Variants in ARHGAP8 observed in about 807,000 individuals in gnomAD.
The protein encoded by ARHGAP8 is Rho GTPase activating protein 8, also known as rho GTPase-activating protein 8.
A neutral mutation model predicts 46.1 loss-of-function variants in ARHGAP8; 62 were observed. That is an observed-to-expected ratio of 1.34 (90% CI 1.10 to 1.66). The LOEUF (loss-of-function observed/expected upper bound fraction) is 1.66, where lower values mean the gene tolerates loss of function less well. ARHGAP8 is among the 40% of genes most tolerant of loss of function. The pLI is 0.00. For synonymous variants in ARHGAP8, 375 were observed against 243.1 expected (o/e 1.54, Z -5.05); for missense variants, 923 against 568.4 (o/e 1.62, Z -6.34).
At chr22:44,790,722 G>T (rs142821297) in intron 2 of ARHGAP8, among the ~76,000 whole-genome samples, 125,449 of 125,808 alleles carry the variant, frequency 1, 62,549 homozygotes, top group Middle Eastern at 1. Context: ...CCCTGGGAAA[G>T]AACCTGGCCG....
intron 1 of ARHGAP8, among the ~76,000 whole-genome samples, chr22:44,754,419 G>A (rs1309011042): frequency 1.3e-5 from 2 of 151,146 alleles, no homozygotes; most frequent in Non-Finnish European, 2.9e-5. Flanking sequence ...GCAATGGCAC[G>A]ATCTCAGCTC....
At chr22:44,830,937 T>C (rs942785338) in intron 7 of ARHGAP8, among the ~76,000 whole-genome samples, 2 of 152,246 alleles carry the variant, frequency 1.3e-5, no homozygotes, top group African/African-American at 4.8e-5. Flanking sequence ...GTTGAGCATC[T>C]TTTCATGTAT....
intron 3 of ARHGAP8, among the ~76,000 whole-genome samples, chr22:44,805,294 G>A (rs561950196): frequency 1.8e-4 from 27 of 152,328 alleles, no homozygotes; most frequent in Non-Finnish European, 3.7e-4. Flanking sequence ...TGGTTGCCGG[G>A]TACCGGGAGT....
intron 3 of ARHGAP8, among the ~76,000 whole-genome samples, chr22:44,803,647 A>C (rs1928719110): frequency 2.2e-5 from 1 of 44,594 alleles, no homozygotes. Flanking sequence ...CCTCCCATGC[A>C]CACACCCCCT....
intron 7 of ARHGAP8, among the ~76,000 whole-genome samples, chr22:44,830,015 C>CCT (rs571105538): frequency 7.2e-4 from 83 of 115,820 alleles, no homozygotes; most frequent in Non-Finnish European, 1.0e-3. Flanking sequence ...TCTTTTTTTT[C>CCT]CTCTCTCTCT....
chr22:44,832,187 T>C (rs1304744632), intron 7 of ARHGAP8, among the ~76,000 whole-genome samples: 2 of 151,770 alleles, frequency 1.3e-5, no homozygotes, highest in African/African-American at 4.8e-5. Flanking sequence ...TTGTTAAATT[T>C]TTTTTTTTTA....
At chr22:44,860,279 A>G (rs1006055326) in intron 11 of ARHGAP8, among the ~76,000 whole-genome samples, 2 of 152,104 alleles carry the variant, frequency 1.3e-5, no homozygotes, top group African/African-American at 4.8e-5. Context: ...GCCTTAAAAC[A>G]GATTTACTGT....
intron 7 of ARHGAP8, among the ~76,000 whole-genome samples, chr22:44,832,216 A>G (rs2147135291): frequency 7.0e-6 from 1 of 142,428 alleles, no homozygotes; most frequent in African/African-American, 2.6e-5. Context: ...TGCTATTGTC[A>G]ATGTAATTTT....
chr22:44,786,627 T>TC, intron 2 of ARHGAP8, 21 bp downstream of exon 2: 1 of 1,609,650 alleles, frequency 6.2e-7, no homozygotes, highest in South Asian at 1.1e-5. Context: ...AGCTGGGCAG[T>TC]CTGCAGGACC....
intron 7 of ARHGAP8, among the ~76,000 whole-genome samples, chr22:44,835,552 C>G (rs967234022): frequency 6.6e-6 from 1 of 152,108 alleles, no homozygotes; most frequent in African/African-American, 2.4e-5. Context: ...ACCGGGGAGG[C>G]GGAGGTTGCA....
At chr22:44,801,814 T>C (rs1304971704) in intron 2 of ARHGAP8, 3 of 520,646 alleles carry the variant, frequency 5.8e-6, no homozygotes, top group Non-Finnish European at 1.0e-5. Flanking sequence ...CACTGATGAC[T>C]TAACCCTGCT....
chr22:44,823,168 C>T (rs1930276218), intron 6 of ARHGAP8, among the ~76,000 whole-genome samples: 1 of 152,156 alleles, frequency 6.6e-6, no homozygotes, highest in Non-Finnish European at 1.5e-5. Context: ...AGTCACATGG[C>T]AGGTGCTGGG....
intron 7 of ARHGAP8, among the ~76,000 whole-genome samples, chr22:44,829,185 GGAGCCT>G (rs1186394220): frequency 6.7e-6 from 1 of 150,114 alleles, no homozygotes; most frequent in African/African-American, 2.5e-5. Context: ...CAGCTACTCG[GGAGCCT>G]GAGGCAGGAG....
chr22:44,786,575 C>T lies in ARHGAP8; in HGVS notation c.48C>T (p.Asp16=), dbSNP rs535813392. ...TGAGCACGAGTCACCCGTTCTACGA[C>T]GTGGCCAGACATGGCATTCTGCAGG... is the stretch of plus-strand genomic sequence containing the variant. ...PALSTSHPFY[D]VARHGILQVA... The change falls in exon 2 of 12, where the codon GAC becomes GAT. Residue 16 remains aspartate (D), a synonymous_variant. Transcript: ENST00000356099. 25 of 1,613,476 alleles carry T rather than the reference C, an allele frequency of 1.5e-5. No homozygotes were observed. The highest frequency in any genetic ancestry group is 8.0e-5 in the African/African-American group (6 of 75,032).
chr22:44,854,962 A>G (rs1484328010), intron 10 of ARHGAP8, among the ~76,000 whole-genome samples: 2 of 152,058 alleles, frequency 1.3e-5, no homozygotes, highest in African/African-American at 4.8e-5. Flanking sequence ...GCTGTTTTTA[A>G]TAAACTAACA....
intron 1 of ARHGAP8, among the ~76,000 whole-genome samples, chr22:44,762,344 G>A (rs1925191064): frequency 6.6e-6 from 1 of 152,038 alleles, no homozygotes; most frequent in African/African-American, 2.4e-5. Context: ...GCTGAGGTGG[G>A]AGGATCGCTT....
rs539263019 is a variant in ARHGAP8, at chr22:44,827,595, G to A, written c.596+2002G>A. Among the ~76,000 whole-genome samples the A allele has an allele frequency of 2.6e-5, 4 of 152,006 alleles. No individual in the cohort carries two copies. The South Asian group carries it at 6.3e-4, about 24-fold the overall frequency. The stretch of plus-strand genomic sequence containing the variant: ...TGACCTCAGGTGATCCACCTGCCTC[G>A]GCCTCCCAAAGTGCTAGGATTACAG... On this transcript the variant is annotated intron_variant, in intron 7 of 11. Transcript: ENST00000356099.
intron 10 of ARHGAP8, among the ~76,000 whole-genome samples, chr22:44,858,524 C>CT (rs928110809): frequency 9.4e-6 from 1 of 106,172 alleles, no homozygotes; most frequent in Non-Finnish European, 2.1e-5. Context: ...TGTGTGCCAC[C>CT]ATACCCGGCT....
At chr22:44,815,694 T>A (rs1929689267) in intron 5 of ARHGAP8, among the ~76,000 whole-genome samples, 1 of 152,136 alleles carries the variant, frequency 6.6e-6, no homozygotes, top group Non-Finnish European at 1.5e-5. Flanking sequence ...TTAGACTTGT[T>A]CCTGCTAAAG....
Sources: gnomAD v4.1 joint callset for allele counts (sites outside exome capture counted in the v4.1 genomes callset) on GRCh38, gnomAD v4.1.1 for gene constraint, MANE v1.5 for transcripts, NCBI Gene and HGNC (gene_info 2026-07-23, HGNC 2026-07-21) for gene names.